Variants in BCL2 observed in about 807,000 individuals in gnomAD.
BCL2 encodes BCL2 apoptosis regulator, also known as apoptosis regulator Bcl-2.
A neutral mutation model predicts 14.2 loss-of-function variants in BCL2; 1 was observed. The ratio of observed to expected loss-of-function variants is 0.07; its 90% CI spans 0.02 to 0.33. The LOEUF is 0.33. Among genes scored for constraint, BCL2 ranks in the 10% least tolerant of loss-of-function variants. BCL2 has a pLI of 0.99. For synonymous variants in BCL2, 151 were observed against 137.2 expected, an observed-to-expected ratio of 1.10 and a Z score of -0.70; for missense variants, 247 against 305.9, an observed-to-expected ratio of 0.81 and a Z score of 1.44.
chr18:63,183,188 G>C (rs1290541064), intron 2 of BCL2, among the ~76,000 whole-genome samples: 2 of 152,192 alleles, frequency 1.3e-5, no homozygotes, highest in Non-Finnish European at 2.9e-5. Context: ...GTGCAGAAGG[G>C]GTAACAGCAA....
intron 2 of BCL2, among the ~76,000 whole-genome samples, chr18:63,244,641 G>A (rs921739442): frequency 6.6e-6 from 1 of 152,170 alleles, no homozygotes; most frequent in African/African-American, 2.4e-5. Flanking sequence ...CAGGTAAAAT[G>A]TTGCTGCAAC....
intron 2 of BCL2, among the ~76,000 whole-genome samples, chr18:63,229,352 T>C (rs116431907): frequency 2.4e-3 from 371 of 152,348 alleles, no homozygotes; most frequent in African/African-American, 8.5e-3. Context: ...GGTGGTGTGA[T>C]TGTGTGCCTT....
At chr18:63,280,573 T>C (rs1041670029) in intron 2 of BCL2, among the ~76,000 whole-genome samples, 1 of 152,098 alleles carries the variant, frequency 6.6e-6, no homozygotes, top group Non-Finnish European at 1.5e-5. Flanking sequence ...AATCCGCACA[T>C]AAGAAAGATG....
chr18:63,295,949 C>T (rs1278658054), intron 2 of BCL2, among the ~76,000 whole-genome samples: 4 of 152,160 alleles, frequency 2.6e-5, no homozygotes, highest in Admixed American at 2.6e-4. Flanking sequence ...CAGAAGAAAA[C>T]GCCCCCTGGT....
intron 2 of BCL2, among the ~76,000 whole-genome samples, chr18:63,289,724 C>T (rs1267381102): frequency 6.6e-6 from 1 of 151,840 alleles, no homozygotes; most frequent in Non-Finnish European, 1.5e-5. Context: ...TGAAACCCCG[C>T]CTCTACTAAA....
At chr18:63,317,855 C>T (rs1156324324) in intron 2 of BCL2, 2 of 1,406,058 alleles carry the variant, frequency 1.4e-6, no homozygotes, top group Non-Finnish European at 1.8e-6. Flanking sequence ...TTTGGATCTC[C>T]ACGACTAGCA....
intron 2 of BCL2, among the ~76,000 whole-genome samples, chr18:63,137,137 A>G (rs1180958925): frequency 2.0e-5 from 3 of 152,206 alleles, no homozygotes; most frequent in African/African-American, 7.2e-5. Context: ...AAGGTTCCCA[A>G]TGCTCTGGCT....
At chr18:63,195,355 G>A (rs372239510) in intron 2 of BCL2, among the ~76,000 whole-genome samples, 1 of 152,200 alleles carries the variant, frequency 6.6e-6, no homozygotes. Flanking sequence ...ATGCCTTGCT[G>A]TTTTGGAAAA....
At chr18:63,314,301 C>G (rs1345955854) in intron 2 of BCL2, 1 of 152,190 alleles carries the variant, frequency 6.6e-6, no homozygotes, top group Non-Finnish European at 1.5e-5. Context: ...AAATGATGCT[C>G]TTTCATGTAA....
At chr18:63,285,138 C>A (rs76927388) in intron 2 of BCL2, among the ~76,000 whole-genome samples, 6 of 152,300 alleles carry the variant, frequency 3.9e-5, no homozygotes, top group African/African-American at 1.4e-4. Flanking sequence ...CAGGCTCACA[C>A]GCAGCAGCTG....
In BCL2 at chr18:63,128,552, C is replaced by A. The variant is rs1343461180; in HGVS notation, c.*73G>T. ...CCTGCAGCTTTGTTTCATGGTACATCACTGACAATGCATATTATTTCTACT... is the reference window on the plus strand; with the variant it reads ...CCTGCAGCTTTGTTTCATGGTACATAACTGACAATGCATATTATTTCTACT... On this transcript the variant is annotated 3_prime_UTR_variant, in exon 3 of 3. Transcript: ENST00000333681. 6 of 750,628 alleles carry A rather than the reference C, an allele frequency of 8.0e-6. No individual in the cohort carries two copies. The Admixed American group carries it at 1.1e-4, about 13-fold the overall frequency. The allele number at this position is 750,628 out of a possible 1,614,324, so 46.5% of individuals were successfully genotyped here. A position where few individuals can be genotyped will look rare whatever the true frequency, so the allele number is the denominator to read the frequency against.
chr18:63,130,255 A>G (rs1031249246), intron 2 of BCL2, among the ~76,000 whole-genome samples: 1 of 152,258 alleles, frequency 6.6e-6, no homozygotes, highest in Non-Finnish European at 1.5e-5. Context: ...ATAGTTTCAC[A>G]TTATTCCCAA....
chr18:63,191,640 A>T (rs921093353), intron 2 of BCL2, among the ~76,000 whole-genome samples: 1 of 152,256 alleles, frequency 6.6e-6, no homozygotes, highest in Non-Finnish European at 1.5e-5. Flanking sequence ...ATGCATAAGC[A>T]GCTGCTTACT....
Position 63,318,422 on chromosome 18 carries a change from G to C in BCL2, c.245C>G (p.Ala82Gly), listed in dbSNP as rs201827119. The change falls in exon 2 of 3, where the codon GCG becomes GGG. Residue 82 changes from alanine (A) to glycine (G), a missense_variant. This residue lies in a region of BCL2 where 144 missense variants were observed against 135.3 expected (regional missense o/e 1.06). Transcript: ENST00000333681. The surrounding 1 kb of genome is among the most constrained non-coding windows in gnomAD (Gnocchi z 7.4). ...TGGCACCGGGCTGAGCGCAGGCCCC[G>C]CGGCGGCGCCGGGGGCAGCCGGGGT... ...LQTPAAPGAA[A>G]GPALSPVPPV... is the part of the protein sequence containing the mutation. The C allele has an allele frequency of 6.7e-7, 1 of 1,494,546 alleles. No individual in the cohort carries two copies. The highest frequency in any genetic ancestry group is 8.8e-7 in the Non-Finnish European group (1 of 1,132,204). 92.6% of individuals were successfully genotyped at this position (1,494,546 alleles called of 1,614,324 possible). A position where few individuals can be genotyped will look rare whatever the true frequency, so the allele number is the denominator to read the frequency against.
At chr18:63,306,974 G>A (rs1490060918) in intron 2 of BCL2, among the ~76,000 whole-genome samples, 1 of 151,914 alleles carries the variant, frequency 6.6e-6, no homozygotes, top group Non-Finnish European at 1.5e-5. Flanking sequence ...TAGACTATCA[G>A]CCACGCCGCT....
intron 2 of BCL2, among the ~76,000 whole-genome samples, chr18:63,171,185 A>C (rs1205305840): frequency 6.6e-6 from 1 of 152,246 alleles, no homozygotes; most frequent in African/African-American, 2.4e-5. Context: ...GACAATGGCC[A>C]GAGTTTACTA....
At chr18:63,270,035 A>T (rs760288309) in intron 2 of BCL2, among the ~76,000 whole-genome samples, 3 of 152,184 alleles carry the variant, frequency 2.0e-5, no homozygotes, top group African/African-American at 7.2e-5. Context: ...CATTATACTC[A>T]ACATCACTCA....
intron 2 of BCL2, among the ~76,000 whole-genome samples, chr18:63,267,970 G>A (rs992080614): frequency 1.8e-4 from 28 of 151,766 alleles, no homozygotes; most frequent in Non-Finnish European, 3.8e-4. Flanking sequence ...CATGCTTCAC[G>A]TGAAGTAACC....
At chr18:63,280,207 G>A (rs1040397056) in intron 2 of BCL2, among the ~76,000 whole-genome samples, 1 of 152,150 alleles carries the variant, frequency 6.6e-6, no homozygotes, top group Non-Finnish European at 1.5e-5. Context: ...GCTTTGGAGT[G>A]AGACATACCT....
Sources: allele counts gnomAD v4.1 joint callset (sites outside exome capture counted in the v4.1 genomes callset), GRCh38; gene constraint gnomAD v4.1.1; regional missense constraint gnomAD v4.1.1; non-coding constraint Gnocchi (gnomAD v3.1); transcripts MANE v1.5; gene names NCBI Gene and HGNC (gene_info 2026-07-23, HGNC 2026-07-21).